Variants in SMYD3 observed in about 807,000 individuals in gnomAD.
SMYD3 encodes the protein SET and MYND domain containing 3.
In SMYD3, 36 loss-of-function variants were observed where a neutral mutation model predicts 57.7. The ratio of observed to expected loss-of-function variants is 0.62; its 90% CI spans 0.48 to 0.82. The LOEUF is 0.82. SMYD3 is among the 40% of genes least tolerant of loss of function. The pLI is 0.00. For missense variants in SMYD3, 515 were observed against 538.8 expected (o/e 0.96, Z 0.44); for synonymous variants, 211 against 195.0 (o/e 1.08, Z -0.68).
intron 1 of SMYD3, among the ~76,000 whole-genome samples, chr1:246,405,445 C>A (rs1241074377): frequency 6.6e-6 from 1 of 152,134 alleles, no homozygotes; most frequent in Non-Finnish European, 1.5e-5. Context: ...AAAACCAAAA[C>A]CGCCACCAGC....
At chr1:245,867,414 T>C (rs992514997) in intron 8 of SMYD3, among the ~76,000 whole-genome samples, 2 of 152,206 alleles carry the variant, frequency 1.3e-5, no homozygotes, top group African/African-American at 4.8e-5. Context: ...CCACAGAAAA[T>C]GTAGTCCCTA....
At chr1:245,793,992 TA>T (rs765541923) in intron 10 of SMYD3, among the ~76,000 whole-genome samples, 1 of 152,140 alleles carries the variant, frequency 6.6e-6, no homozygotes, top group Non-Finnish European at 1.5e-5. Context: ...CAACTGGGCT[TA>T]AAAAAAACCA....
chr1:246,371,753 CTT>C (rs1558429692), intron 1 of SMYD3, among the ~76,000 whole-genome samples: 3 of 152,180 alleles, frequency 2.0e-5, no homozygotes, highest in Admixed American at 1.3e-4. Context: ...CTCTCTCTTA[CTT>C]CCTCCAATTA....
rs80209018 is a variant in SMYD3 at position 245,886,622 on chromosome 1, G to C, written c.814-22736C>G. Among the ~76,000 whole-genome samples the C allele has an allele frequency of 5.6e-3, 848 of 152,250 alleles. 8 individuals are homozygous for C. Among genetic ancestry groups the C allele is most frequent in the Non-Finnish European group, 8.3e-3 (564 of 68,018 alleles). On this transcript the variant is annotated intron_variant, in intron 8 of 11. Coordinates refer to ENST00000490107, the MANE Select transcript of SMYD3 (RefSeq NM_001167740.2). The stretch of plus-strand genomic sequence containing the variant: ...AACCCAAAAGCATCTCATTCTTTGT[G>C]GGGGAGGAAGAAAGCTGCCATCATA...
chr1:246,419,990 T>A lies in SMYD3; in HGVS notation c.165-64896A>T, dbSNP rs2067118668. 2.0e-5 allele frequency among the ~76,000 whole-genome samples: 3 copies of A among 152,148 alleles called. No individual in the cohort carries two copies. In the East Asian group the frequency reaches 5.8e-4, roughly 29 times the overall value. On this transcript the variant is annotated intron_variant, in intron 1 of 11. Transcript: ENST00000490107. ...GCAGGGGGATCACGAGGTCAGGAGATCGAGACTTCTCCATCCTGGCTAACA... is the reference window on the plus strand; with the variant it reads ...GCAGGGGGATCACGAGGTCAGGAGAACGAGACTTCTCCATCCTGGCTAACA...
intron 8 of SMYD3, among the ~76,000 whole-genome samples, chr1:245,889,223 G>T (rs569294449): frequency 1.3e-5 from 2 of 152,150 alleles, no homozygotes; most frequent in Non-Finnish European, 2.9e-5. Flanking sequence ...TGTTGAGCCC[G>T]ATTAACAGAT....
intron 5 of SMYD3, among the ~76,000 whole-genome samples, chr1:246,175,009 A>C (rs1191825808): frequency 6.6e-6 from 1 of 152,188 alleles, no homozygotes; most frequent in African/African-American, 2.4e-5. Flanking sequence ...ATTTATCTAT[A>C]CTCAAATATC....
chr1:246,438,427 T>C (rs2067413290), intron 1 of SMYD3, among the ~76,000 whole-genome samples: 1 of 151,676 alleles, frequency 6.6e-6, no homozygotes, highest in Non-Finnish European at 1.5e-5. Context: ...ACAAGTGGAG[T>C]AAGACACTGA....
chr1:245,833,844 T>A (rs2049976067), intron 10 of SMYD3, among the ~76,000 whole-genome samples: 1 of 152,146 alleles, frequency 6.6e-6, no homozygotes, highest in Non-Finnish European at 1.5e-5. Context: ...ACTCTCAGGG[T>A]CTCACCCGCA....
At chr1:246,247,191 G>A (rs1272412282) in intron 5 of SMYD3, among the ~76,000 whole-genome samples, 1 of 152,030 alleles carries the variant, frequency 6.6e-6, no homozygotes, top group Non-Finnish European at 1.5e-5. Flanking sequence ...TAGCTGCTCA[G>A]TATAACGAAT....
At chr1:246,135,196 C>A (rs562685573) in intron 5 of SMYD3, among the ~76,000 whole-genome samples, 3 of 152,078 alleles carry the variant, frequency 2.0e-5, no homozygotes, top group Non-Finnish European at 4.4e-5. Context: ...TGTTTCAAAT[C>A]CTTTCTAATA....
intron 5 of SMYD3, among the ~76,000 whole-genome samples, chr1:245,983,296 AAATT>A (rs1172213710): frequency 6.6e-6 from 1 of 152,260 alleles, no homozygotes; most frequent in Admixed American, 6.5e-5. Flanking sequence ...TAGAAAAAGA[AAATT>A]AATGACTAGT....
intron 5 of SMYD3, among the ~76,000 whole-genome samples, chr1:246,124,975 G>A (rs1420675130): frequency 6.6e-6 from 1 of 152,024 alleles, no homozygotes. Context: ...GGAAGGCTGA[G>A]GCAGGAGAAT....
At chr1:246,271,402 T>C (rs1055843050) in intron 5 of SMYD3, among the ~76,000 whole-genome samples, 1 of 152,194 alleles carries the variant, frequency 6.6e-6, no homozygotes, top group Non-Finnish European at 1.5e-5. Context: ...GCTTCTGCCC[T>C]ATGTTTTCTA....
intron 5 of SMYD3, among the ~76,000 whole-genome samples, chr1:246,287,249 C>G (rs1237533118): frequency 6.6e-6 from 1 of 151,990 alleles, no homozygotes; most frequent in East Asian, 1.9e-4. Flanking sequence ...TAGTGAAAGT[C>G]CAGAGTTGTT....
chr1:246,141,232 A>G (rs1198052216), intron 5 of SMYD3, among the ~76,000 whole-genome samples: 1 of 151,126 alleles, frequency 6.6e-6, no homozygotes, highest in Non-Finnish European at 1.5e-5. Context: ...CTTGGAAATC[A>G]ACTCTCTCTA....
intron 5 of SMYD3, among the ~76,000 whole-genome samples, chr1:246,094,759 C>G (rs756224823): frequency 6.6e-6 from 1 of 152,178 alleles, no homozygotes; most frequent in Non-Finnish European, 1.5e-5. Context: ...CATTTCTTCA[C>G]GGCTAATGTC....
At chr1:245,765,895 A>G (rs2148063839) in intron 10 of SMYD3, among the ~76,000 whole-genome samples, 1 of 152,266 alleles carries the variant, frequency 6.6e-6, no homozygotes, top group South Asian at 2.1e-4. Context: ...CTATTATATA[A>G]CAGTGATGAG....
chr1:245,799,248 CAGAG>C (rs903258604), intron 10 of SMYD3, among the ~76,000 whole-genome samples: 1 of 152,162 alleles, frequency 6.6e-6, no homozygotes. Context: ...AGCAACATCA[CAGAG>C]AGAGAGGGGC....
Sources: allele counts gnomAD v4.1 joint callset (sites outside exome capture counted in the v4.1 genomes callset), GRCh38; gene constraint gnomAD v4.1.1; transcripts MANE v1.5; gene names NCBI Gene and HGNC (gene_info 2026-07-23, HGNC 2026-07-21).